SPINK9: variants seen among roughly 807,000 people sequenced by gnomAD.
SPINK9 encodes the protein serine protease inhibitor Kazal-type 9.
In SPINK9, 3 loss-of-function variants were observed where a neutral mutation model predicts 10.8. The ratio of observed to expected loss-of-function variants is 0.28; its 90% CI spans 0.13 to 0.72. The LOEUF is 0.72. SPINK9 is among the 30% of genes least tolerant of loss of function. The pLI, the probability that SPINK9 is intolerant of heterozygous loss-of-function variation, is 0.74. For synonymous variants in SPINK9, 30 were observed against 31.2 expected (o/e 0.96, Z 0.12); for missense variants, 101 against 103.2 (o/e 0.98, Z 0.09).
intron 1 of SPINK9, among the ~76,000 whole-genome samples, chr5:148,323,030 C>G (rs536985750): frequency 6.6e-6 from 1 of 151,946 alleles, no homozygotes; most frequent in Non-Finnish European, 1.5e-5. Context: ...ATTTTAAAAC[C>G]CGCCTATAAG....
intron 2 of SPINK9, among the ~76,000 whole-genome samples, chr5:148,324,405 T>C (rs998808544): frequency 2.0e-5 from 3 of 152,086 alleles, no homozygotes; most frequent in Admixed American, 1.3e-4. Context: ...AACTTTATAG[T>C]AGAAAAATCA....
intron 1 of SPINK9, among the ~76,000 whole-genome samples, chr5:148,321,558 A>T (rs111680474): frequency 9.3e-4 from 141 of 152,062 alleles, no homozygotes; most frequent in African/African-American, 2.8e-3. Flanking sequence ...CTAGGATTAA[A>T]TGCCATATAT....
intron 2 of SPINK9, among the ~76,000 whole-genome samples, chr5:148,329,469 C>T (rs1364136466): frequency 3.3e-5 from 5 of 152,044 alleles, no homozygotes; most frequent in Admixed American, 6.6e-5. Flanking sequence ...CCCGGATTCA[C>T]TGATTTTTTG....
chr5:148,326,441 C>T (rs902925736), intron 2 of SPINK9, among the ~76,000 whole-genome samples: 1 of 152,142 alleles, frequency 6.6e-6, no homozygotes, highest in African/African-American at 2.4e-5. Context: ...GTCTGCATTT[C>T]CATGTTCATT....
At chr5:148,323,289 T>A (rs1466193514) in intron 1 of SPINK9, among the ~76,000 whole-genome samples, 3 of 152,136 alleles carry the variant, frequency 2.0e-5, no homozygotes, top group African/African-American at 4.8e-5. Flanking sequence ...AAAGTCATGA[T>A]ATGCCTATCA....
chr5:148,329,734 C>T (rs1483792005), intron 2 of SPINK9, among the ~76,000 whole-genome samples: 2 of 152,160 alleles, frequency 1.3e-5, no homozygotes, highest in African/African-American at 4.8e-5. Context: ...CAAAGAACAT[C>T]TTTATTTCTG....
chr5:148,329,079 G>A lies in SPINK9; in HGVS notation c.118+5211G>A, dbSNP rs1757110140. On this transcript the variant is annotated intron_variant, in intron 2 of 4. Coordinates refer to the SPINK9 transcript ENST00000511717. ...GATTGGAATAGTTTCAGAAGGAATGGTACCAGCTCCTCCTTGTACCTCTGG... is the reference window on the plus strand; with the variant it reads ...GATTGGAATAGTTTCAGAAGGAATGATACCAGCTCCTCCTTGTACCTCTGG... Among the ~76,000 whole-genome samples the A allele has an allele frequency of 2.6e-5, 4 of 152,174 alleles. No homozygotes were observed. In the South Asian group the frequency reaches 8.3e-4, roughly 32 times the overall value.
At chr5:148,322,978 T>A (rs1757015788) in intron 1 of SPINK9, among the ~76,000 whole-genome samples, 1 of 152,206 alleles carries the variant, frequency 6.6e-6, no homozygotes, top group Admixed American at 6.5e-5. Flanking sequence ...AGAATCCTTT[T>A]AATATTTATA....
rs1339564520 is a variant in SPINK9 at position 148,338,714 on chromosome 5, T to G, written c.215+109T>G. 5.0e-6 allele frequency: 4 copies of G among 794,122 alleles called. No individual in the cohort carries two copies. The South Asian group carries it at 1.0e-4, about 20-fold the overall frequency. 49.2% of individuals were successfully genotyped at this position (794,122 alleles called of 1,614,324 possible). A position where few individuals can be genotyped will look rare whatever the true frequency, so the allele number is the denominator to read the frequency against. On this transcript the variant is annotated intron_variant, in intron 3 of 3. Coordinates refer to ENST00000377906, the MANE Select transcript of SPINK9 (RefSeq NM_001040433.2). ...GGAATATGTGAATCATATCATACTGTCTCTAACAAACAGAACCTTCCAGTT... is the reference window on the plus strand; with the variant it reads ...GGAATATGTGAATCATATCATACTGGCTCTAACAAACAGAACCTTCCAGTT...
chr5:148,335,450 G>A (rs769245100), upstream of SPINK9: 8 of 562,132 alleles, frequency 1.4e-5, no homozygotes, highest in South Asian at 1.2e-4. Context: ...CCCATGGCTC[G>A]CAGACATTTC....
chr5:148,331,513 G>A (rs1288128110), upstream of SPINK9, among the ~76,000 whole-genome samples: 1 of 152,170 alleles, frequency 6.6e-6, no homozygotes, highest in Non-Finnish European at 1.5e-5. Flanking sequence ...TGGCCAAAGG[G>A]TGCAAAGTTT....
chr5:148,324,013 A>G (rs1757028589), intron 2 of SPINK9: 2 of 450,998 alleles, frequency 4.4e-6, no homozygotes, highest in South Asian at 5.0e-5. Flanking sequence ...TTTATAAACT[A>G]TAATGTCCTA....
At position 148,339,689 on chromosome 5, in the gene SPINK9, T is replaced by A. The variant is rs1289783697; in HGVS notation, c.238T>A (p.Phe80Ile). The change falls in exon 4 of 4, where the codon TTT (phenylalanine) becomes ATT (isoleucine). Residue 80 changes from phenylalanine (F) to isoleucine (I), a missense_variant. Physicochemically the swap from Phe to Ile is conservative, Grantham distance 21. Transcript: ENST00000377906. ...CAGGAAAACTGACGGCACACTTAAA[T>A]TTGTACATTTTGGAAAATGTTAAAT... ...KVKKTDGTLK[F>I]VHFGKC The A allele has an allele frequency of 3.1e-6, 5 of 1,612,734 alleles. No homozygotes were observed. Among genetic ancestry groups the A allele is most frequent in the Non-Finnish European group, 4.2e-6 (5 of 1,179,250 alleles).
chr5:148,331,665 G>T (rs114175361), upstream of SPINK9, among the ~76,000 whole-genome samples: 1,232 of 152,198 alleles, frequency 8.1e-3, 21 homozygotes, highest in African/African-American at 0.028. Context: ...TGAAGTGATT[G>T]ATATGTTAAC....
upstream of SPINK9, among the ~76,000 whole-genome samples, chr5:148,330,583 G>A (rs536471505): frequency 3.6e-4 from 55 of 152,292 alleles, no homozygotes; most frequent in African/African-American, 1.2e-3. Context: ...ATTAGTTGAT[G>A]CAGTTTCTTC....
At chr5:148,328,430 C>T (rs1215650622) in intron 2 of SPINK9, among the ~76,000 whole-genome samples, 3 of 152,278 alleles carry the variant, frequency 2.0e-5, no homozygotes, top group South Asian at 2.1e-4. Context: ...TCTAGATATA[C>T]AAGCATGTCA....
At chr5:148,334,457 T>C (rs993883780), upstream of SPINK9, among the ~76,000 whole-genome samples, 23 of 152,224 alleles carry the variant, frequency 1.5e-4, no homozygotes, top group African/African-American at 1.9e-4. Flanking sequence ...ATGCCTGTAA[T>C]TGCAGCACTT....
intron 2 of SPINK9, among the ~76,000 whole-genome samples, chr5:148,326,509 GA>G (rs1197687078): frequency 6.6e-6 from 1 of 151,866 alleles, no homozygotes; most frequent in Non-Finnish European, 1.5e-5. Flanking sequence ...ATCAACAGAG[GA>G]ATGAATTTTT....
intron 2 of SPINK9, among the ~76,000 whole-genome samples, chr5:148,329,183 G>T (rs973056352): frequency 3.9e-5 from 6 of 152,058 alleles, no homozygotes; most frequent in Middle Eastern, 3.2e-3. Flanking sequence ...CAATTTCAGA[G>T]CCTGTTATTG....
Sources: allele counts gnomAD v4.1 joint callset (sites outside exome capture counted in the v4.1 genomes callset), GRCh38; gene constraint gnomAD v4.1.1; transcripts MANE v1.5; gene names NCBI Gene and HGNC (gene_info 2026-07-23, HGNC 2026-07-21).